Variants in C7 observed in about 807,000 individuals in gnomAD.
The protein encoded by C7 is complement component C7.
In C7, 83 loss-of-function variants were observed where a neutral mutation model predicts 104.8. The observed-to-expected ratio is 0.79, with a 90% CI of 0.66 to 0.95. C7 has a LOEUF of 0.95. C7 is among the 40% of genes least tolerant of loss of function. The pLI, the probability that C7 is intolerant of heterozygous loss-of-function variation, is 0.00. For synonymous variants in C7, 415 were observed against 360.6 expected (o/e 1.15, Z -1.71); for missense variants, 1,070 against 1,011.2 (o/e 1.06, Z -0.79).
intron 11 of C7, 45 bp downstream of exon 11, chr5:40,958,306 G>A: frequency 2.5e-6 from 3 of 1,222,966 alleles, no homozygotes; most frequent in Non-Finnish European, 3.4e-6. Context: ...CACATTGAAA[G>A]GGAATTACCC....
chr5:40,949,411 A>G (rs550503821), intron 8 of C7, among the ~76,000 whole-genome samples: 2 of 151,784 alleles, frequency 1.3e-5, no homozygotes, highest in African/African-American at 4.8e-5. Flanking sequence ...AGAAATGATC[A>G]CATTCTAAGG....
intron 14 of C7, among the ~76,000 whole-genome samples, chr5:40,965,670 CT>C (rs1740532458): frequency 1.4e-5 from 2 of 140,706 alleles, no homozygotes; most frequent in Non-Finnish European, 3.0e-5. Context: ...GAGACAGAGT[CT>C]CACTCTTTTG....
At chr5:40,916,714 T>A (rs2122570) in intron 1 of C7, among the ~76,000 whole-genome samples, 30,357 of 151,764 alleles carry the variant, frequency 0.2, 3,025 homozygotes, top group African/African-American at 0.25. Flanking sequence ...TATTTTTTTT[T>A]TAAAAAAGCA....
At chr5:40,964,453 A>ATATTGAGTATATAGGGG in intron 13 of C7, 1 of 216,148 alleles carries the variant, frequency 4.6e-6, no homozygotes, top group Non-Finnish European at 9.0e-6. Flanking sequence ...ACAGTGTCCA[A>ATATTGAGTATATAGGGG]ATAATTTTAA....
chr5:40,909,518 C>A lies in C7; in HGVS notation c.-93C>A. ...GAGCAGGGAGAGGCAGAGAGGCAGG[C>A]AGCCTGCTGGGCTCTTCCTGCTGTT... On this transcript the variant is annotated 5_prime_UTR_variant, in exon 1 of 18. Transcript: ENST00000313164. 2 of 894,150 alleles carry A rather than the reference C, an allele frequency of 2.2e-6. No individual in the cohort carries two copies. The highest frequency in any genetic ancestry group is 1.9e-5 in the South Asian group (1 of 52,984). 55.4% of individuals were successfully genotyped at this position (894,150 alleles called of 1,614,324 possible). A position where few individuals can be genotyped will look rare whatever the true frequency, so the allele number is the denominator to read the frequency against.
At chr5:40,935,024 T>C (rs868046413) in intron 4 of C7, among the ~76,000 whole-genome samples, 11 of 152,234 alleles carry the variant, frequency 7.2e-5, no homozygotes, top group African/African-American at 1.7e-4. Context: ...GAGTTGTATA[T>C]ACAAGTGAAA....
chr5:40,913,415 C>G (rs1156924203), intron 1 of C7, among the ~76,000 whole-genome samples: 5 of 152,056 alleles, frequency 3.3e-5, no homozygotes. Flanking sequence ...TTTACATTCC[C>G]ACCAATAGTA....
In C7 at chr5:40,961,261, A is replaced by G. The variant is rs111630965; in HGVS notation, c.1662-824A>G. Among the ~76,000 whole-genome samples, 254 of 152,308 alleles carry G rather than the reference A, an allele frequency of 1.7e-3. 1 individual carries two copies. Among genetic ancestry groups the G allele is most frequent in the African/African-American group, 5.8e-3 (243 of 41,558 alleles). Reference sequence around the variant, plus strand: ...TCCATGTATCTCATGGTGTTGCTGTATGAATTGAGATAATGCATATATGCA... The same window carrying G: ...TCCATGTATCTCATGGTGTTGCTGTGTGAATTGAGATAATGCATATATGCA... On this transcript the variant is annotated intron_variant, in intron 12 of 17. Coordinates refer to ENST00000313164, the MANE Select transcript of C7 (RefSeq NM_000587.4).
At chr5:40,928,472 A>C (rs2443040) in intron 1 of C7, 108 bp from the exon 2 acceptor site, 267,760 of 628,572 alleles carry the variant, frequency 0.43, 60,008 homozygotes, top group African/African-American at 0.69. Flanking sequence ...ATTGAGAAAT[A>C]ATAACATCAC....
chr5:40,933,220 T>C (rs1739734048), intron 3 of C7, among the ~76,000 whole-genome samples: 1 of 152,186 alleles, frequency 6.6e-6, no homozygotes, highest in Non-Finnish European at 1.5e-5. Flanking sequence ...ATGGCCACTG[T>C]GACCCCTCAT....
rs377255624 is a variant in C7, at chr5:40,981,420, A to G, written c.2379A>G (p.Glu793=). 6.2e-7 allele frequency: 1 copy of G among 1,613,042 alleles called. No homozygotes were observed. The highest frequency in any genetic ancestry group is 8.5e-7 in the Non-Finnish European group (1 of 1,179,476). ...DAESSKCVCR[E]ASECEEEGFS... is the part of the protein sequence containing the mutation. ...AGAGCAGCAAATGTGTCTGCCGAGA[A>G]GCATCGGAGTGCGAGGAAGAAGGGT... Residue 793 remains glutamate (E), a synonymous_variant, in exon 18 of 18, where the codon GAA becomes GAG. Transcript: ENST00000313164.
rs150241786 is a variant in C7, at chr5:40,964,682, C to T, written c.1750-59C>T. 1,958 of 1,459,608 alleles carry T rather than the reference C, an allele frequency of 1.3e-3. 24 individuals carry two copies. The highest frequency in any genetic ancestry group is 4.7e-3 in the Middle Eastern group (27 of 5,698). 90.4% of individuals were successfully genotyped at this position (1,459,608 alleles called of 1,614,324 possible). ...TATAGACTGAATATATGTAAAGAAACGTTTTGTTAATGCAAAATAGACAAA... is the reference window on the plus strand; with the variant it reads ...TATAGACTGAATATATGTAAAGAAATGTTTTGTTAATGCAAAATAGACAAA... On this transcript the variant is annotated intron_variant, in intron 13 of 17. Transcript: ENST00000313164.
At chr5:40,980,066 C>T in intron 17 of C7, 157 bp downstream of exon 17, 1 of 491,360 alleles carries the variant, frequency 2.0e-6, no homozygotes, top group East Asian at 3.3e-5. Flanking sequence ...CTCCTATACC[C>T]CTCACTGGAG....
At chr5:40,932,905 AC>A (rs1355486466) in intron 3 of C7, among the ~76,000 whole-genome samples, 11 of 152,162 alleles carry the variant, frequency 7.2e-5, no homozygotes, top group Non-Finnish European at 1.3e-4. Flanking sequence ...GTAGGGTCAG[AC>A]TTTGACAGGT....
At chr5:40,925,568 T>C (rs1406349918) in intron 1 of C7, among the ~76,000 whole-genome samples, 1 of 152,226 alleles carries the variant, frequency 6.6e-6, no homozygotes, top group African/African-American at 2.4e-5. Context: ...GTTAGGTATC[T>C]TTATAGCAAT....
chr5:40,955,650 C>A, intron 10 of C7, 97 bp downstream of exon 10: 1 of 1,025,514 alleles, frequency 9.8e-7, no homozygotes, highest in Non-Finnish European at 1.4e-6. Flanking sequence ...ACAGACATGG[C>A]TGTAATTAGC....
intron 17 of C7, chr5:40,980,129 G>A (rs566662964): frequency 2.5e-4 from 95 of 383,212 alleles, no homozygotes; most frequent in Non-Finnish European, 3.9e-4. Context: ...TCCTGATGTG[G>A]AAATGTTCTC....
At chr5:40,923,674 G>A (rs1260965510) in intron 1 of C7, among the ~76,000 whole-genome samples, 1 of 151,882 alleles carries the variant, frequency 6.6e-6, no homozygotes, top group Non-Finnish European at 1.5e-5. Flanking sequence ...TGAACCCAGG[G>A]GGTGGAGGTT....
intron 10 of C7, among the ~76,000 whole-genome samples, chr5:40,957,009 A>G (rs1456252875): frequency 9.9e-5 from 15 of 152,230 alleles, no homozygotes; most frequent in Non-Finnish European, 2.9e-5. Flanking sequence ...TTAGCAGGGC[A>G]AAAAAGGAAC....
Sources: gnomAD v4.1 joint callset for allele counts (sites outside exome capture counted in the v4.1 genomes callset) on GRCh38, gnomAD v4.1.1 for gene constraint, MANE v1.5 for transcripts, NCBI Gene and HGNC (gene_info 2026-07-23, HGNC 2026-07-21) for gene names.